GJC3: variants seen among roughly 807,000 people sequenced by gnomAD.
GJC3 encodes gap junction gamma-3 protein.
In GJC3, 17 loss-of-function variants were observed where a neutral mutation model predicts 19.8. That is an observed-to-expected ratio of 0.86 (90% CI 0.59 to 1.29). The LOEUF is 1.29. GJC3 is among the 50% of genes most tolerant of loss of function. The pLI is 0.00. For synonymous variants in GJC3, 140 were observed against 136.5 expected, an observed-to-expected ratio of 1.03 and a Z score of -0.18; for missense variants, 317 against 332.5, an observed-to-expected ratio of 0.95 and a Z score of 0.36.
intron 1 of GJC3, among the ~76,000 whole-genome samples, chr7:99,923,913 G>A (rs571073057): frequency 6.6e-6 from 1 of 152,220 alleles, no homozygotes; most frequent in Non-Finnish European, 1.5e-5. Flanking sequence ...GGATACAATC[G>A]ATATTAATTG....
Position 99,929,095 on chromosome 7 carries a change from C to G in GJC3, c.526G>C (p.Gly176Arg), listed in dbSNP as rs1562786360. The change falls in exon 1 of 2, where the codon GGT becomes CGT. Residue 176 changes from glycine to arginine, a missense_variant. By Grantham distance (125) the Gly-to-Arg change is moderately radical (BLOSUM62 -2). Coordinates refer to ENST00000312891, the MANE Select transcript of GJC3 (RefSeq NM_181538.3). Reference protein sequence around the residue: ...SFACRREPCLGSITCNLSRPS... With the variant: ...SFACRREPCLRSITCNLSRPS... ...CGGGACAGATTGCAGGTTATACTAC[C>G]AAGGCAAGGTTCTCGGCGACATGCA... 1.2e-6 allele frequency: 2 copies of G among 1,613,922 alleles called. No homozygotes were observed. Among genetic ancestry groups the G allele is most frequent in the Non-Finnish European group, 1.7e-6 (2 of 1,180,026 alleles).
Position 99,929,585 on chromosome 7 carries a change from C to G in GJC3, c.36G>C (p.Glu12Asp), listed in dbSNP as rs569274106. ...CGRFLRRLLAEESRRSTPVGR... is the reference protein window; with the variant it reads ...CGRFLRRLLADESRRSTPVGR... ...CCACGGGGGTGGAGCGCCGGCTCTC[C>G]TCCGCCAGCAGCCGCCGCAGGAACC... Residue 12 changes from glutamate (E) to aspartate (D), a missense_variant, in exon 1 of 2, where the codon GAG (glutamate) becomes GAC (aspartate). By Grantham distance (45) the Glu-to-Asp change is conservative. Coordinates refer to ENST00000312891, the MANE Select transcript of GJC3 (RefSeq NM_181538.3). 6.2e-7 allele frequency: 1 copy of G among 1,609,886 alleles called. No individual in the cohort carries two copies.
intron 1 of GJC3, among the ~76,000 whole-genome samples, chr7:99,924,510 C>T (rs1819752515): frequency 6.6e-6 from 1 of 152,176 alleles, no homozygotes; most frequent in Non-Finnish European, 1.5e-5. Flanking sequence ...ACTGCTTGAA[C>T]CTGGGAGGCA....
chr7:99,929,913 A>G (rs73405466), upstream of GJC3, among the ~76,000 whole-genome samples: 885 of 152,180 alleles, frequency 5.8e-3, 11 homozygotes, highest in African/African-American at 0.021. Context: ...ACCAGGATAC[A>G]TCTTCATCTC....
chr7:99,926,143 G>T (rs1433477240), intron 1 of GJC3, among the ~76,000 whole-genome samples: 2 of 152,168 alleles, frequency 1.3e-5, no homozygotes, highest in East Asian at 3.8e-4. Context: ...AGACCAGCCT[G>T]GCCAACATGG....
At chr7:99,927,119 T>A (rs1819818928) in intron 1 of GJC3, among the ~76,000 whole-genome samples, 1 of 152,180 alleles carries the variant, frequency 6.6e-6, no homozygotes, top group African/African-American at 2.4e-5. Flanking sequence ...ACAGCCTGAT[T>A]TGTTGGGGAC....
At position 99,928,885 on chromosome 7, in the gene GJC3, C is replaced by T. The variant is rs191464858; in HGVS notation, c.736G>A (p.Asp246Asn). The T allele has an allele frequency of 2.5e-6, 4 of 1,614,114 alleles. No homozygotes were observed. The highest frequency in any genetic ancestry group is 2.2e-5 in the East Asian group (1 of 44,876). Residue 246 changes from aspartate to asparagine, a missense_variant, in exon 1 of 2, where the codon GAT becomes AAT. Transcript: ENST00000312891. ...ESTRRHKKATDSLPVVETKEQ... is the reference protein window; with the variant it reads ...ESTRRHKKATNSLPVVETKEQ... The stretch of plus-strand genomic sequence containing the variant: ...TTGGTTTCCACCACTGGGAGGCTAT[C>T]GGTTGCTTTCTTGTGTCTTCTGGTG...
chr7:99,926,929 C>A (rs1322268874), intron 1 of GJC3, among the ~76,000 whole-genome samples: 1 of 152,130 alleles, frequency 6.6e-6, no homozygotes. Flanking sequence ...TATTGAAAAC[C>A]AAAGTACACG....
chr7:99,926,213 A>T (rs1358068050), intron 1 of GJC3, among the ~76,000 whole-genome samples: 1 of 152,154 alleles, frequency 6.6e-6, no homozygotes, highest in Non-Finnish European at 1.5e-5. Context: ...GCGCACCTGT[A>T]GTCCCAGGTA....
chr7:99,928,913 C>T lies in GJC3; in HGVS notation c.708G>A (p.Glu236=). The part of the protein sequence containing the change: ...SSSSKYFLTS[E]STRRHKKATD... ...TTGCTTTCTTGTGTCTTCTGGTGCT[C>T]TCTGAAGTTAGGAAGTATTTAGAAG... Residue 236 remains glutamate (E), a synonymous_variant, in exon 1 of 2, where the codon GAG becomes GAA. Coordinates refer to ENST00000312891, the MANE Select transcript of GJC3 (RefSeq NM_181538.3). 6.2e-7 allele frequency: 1 copy of T among 1,614,144 alleles called. No homozygotes were observed. The highest frequency in any genetic ancestry group is 1.1e-5 in the South Asian group (1 of 91,066).
chr7:99,929,377 T>A lies in GJC3; in HGVS notation c.244A>T (p.Ile82Phe), dbSNP rs1220817765. 1.9e-6 allele frequency: 3 copies of A among 1,613,814 alleles called. No individual in the cohort carries two copies. The highest frequency in any genetic ancestry group is 2.5e-6 in the Non-Finnish European group (3 of 1,179,888). The change falls in exon 1 of 2, where the codon ATC (isoleucine) becomes TTC (phenylalanine). Residue 82 changes from isoleucine (I) to phenylalanine (F), a missense_variant. Transcript: ENST00000312891. ...SPLRFWVFQVILVAVPSALYM... is the reference protein window; with the variant it reads ...SPLRFWVFQVFLVAVPSALYM... ...AGGGCGCTGGGTACAGCCACCAAGA[T>A]GACCTGGAAGACCCAGAAACGCAGC... is the stretch of plus-strand genomic sequence containing the variant.
At chr7:99,930,295 A>T (rs1033425626), upstream of GJC3, among the ~76,000 whole-genome samples, 1 of 152,198 alleles carries the variant, frequency 6.6e-6, no homozygotes, top group Admixed American at 6.5e-5. Context: ...TTACAAGCTG[A>T]GGAAGAAGAG....
chr7:99,923,427 C>T lies in GJC3; in HGVS notation c.*118G>A. On this transcript the variant is annotated 3_prime_UTR_variant, in exon 2 of 2. Transcript: ENST00000312891. ...GAGGTGGAGTCAAGGCAGCGCAGTCCCAGTTGTCGGTTATGCTGCTACATA... is the reference window on the plus strand; with the variant it reads ...GAGGTGGAGTCAAGGCAGCGCAGTCTCAGTTGTCGGTTATGCTGCTACATA... The T allele has an allele frequency of 1.3e-6, 1 of 770,960 alleles. No individual in the cohort carries two copies. Among genetic ancestry groups the T allele is most frequent in the Non-Finnish European group, 2.4e-6 (1 of 414,824 alleles). 47.8% of individuals were successfully genotyped at this position (770,960 alleles called of 1,614,324 possible). A position where few individuals can be genotyped will look rare whatever the true frequency, so the allele number is the denominator to read the frequency against.
chr7:99,927,488 A>T (rs1163809062), intron 1 of GJC3, among the ~76,000 whole-genome samples: 2 of 152,110 alleles, frequency 1.3e-5, no homozygotes, highest in African/African-American at 2.4e-5. Flanking sequence ...AGAAAAAAAA[A>T]ATTTCCTAGC....
intron 1 of GJC3, among the ~76,000 whole-genome samples, chr7:99,926,280 G>A (rs74464537): frequency 6.7e-6 from 1 of 150,068 alleles, no homozygotes; most frequent in African/African-American, 2.5e-5. Context: ...GTTGCAATAA[G>A]CCAAGATCAC....
chr7:99,925,476 A>T (rs995869444), intron 1 of GJC3, among the ~76,000 whole-genome samples: 1 of 152,212 alleles, frequency 6.6e-6, no homozygotes, highest in Non-Finnish European at 1.5e-5. Flanking sequence ...ATGGCTGTGA[A>T]TTAGGCAATA....
At chr7:99,930,710 C>T (rs553505831), upstream of GJC3, among the ~76,000 whole-genome samples, 4 of 152,316 alleles carry the variant, frequency 2.6e-5, no homozygotes, top group South Asian at 8.3e-4. Flanking sequence ...GTAGTCCCCC[C>T]TCTTATCTGC....
chr7:99,928,788 A>G (rs1819846734), intron 1 of GJC3, 52 bp downstream of exon 1: 1 of 1,553,024 alleles, frequency 6.4e-7, no homozygotes, highest in Admixed American at 1.7e-5. Context: ...CCCCGGGAGG[A>G]GATCATCAGG....
intron 1 of GJC3, among the ~76,000 whole-genome samples, chr7:99,925,380 A>T (rs1819773080): frequency 6.6e-6 from 1 of 152,236 alleles, no homozygotes; most frequent in South Asian, 2.1e-4. Context: ...TACACCATAC[A>T]CAAAAATTAA....
Sources: allele counts gnomAD v4.1 joint callset (sites outside exome capture counted in the v4.1 genomes callset), GRCh38; gene constraint gnomAD v4.1.1; transcripts MANE v1.5; gene names NCBI Gene and HGNC (gene_info 2026-07-23, HGNC 2026-07-21).